The following CADPS2 variants were observed in gnomAD, a reference collection of about 807,000 sequenced individuals.
The protein encoded by CADPS2 is calcium-dependent secretion activator 2.
CADPS2 carries 93 observed loss-of-function variants against 172.5 expected under a neutral mutation model. The observed-to-expected ratio is 0.54, with a 90% CI of 0.46 to 0.64. The LOEUF is 0.64. Among genes scored for constraint, CADPS2 ranks in the 30% least tolerant of loss-of-function variants. CADPS2 has a pLI of 0.00. For synonymous variants in CADPS2, 546 were observed against 555.2 expected (o/e 0.98, Z 0.23); for missense variants, 1,420 against 1,565.9 (o/e 0.91, Z 1.57).
intron 7 of CADPS2, among the ~76,000 whole-genome samples, chr7:122,572,194 G>C (rs1036815171): frequency 4.6e-5 from 7 of 152,060 alleles, no homozygotes; most frequent in Admixed American, 4.6e-4. Flanking sequence ...ATCATATGCT[G>C]CAAGATGGAA....
chr7:122,698,951 C>G (rs2085598362), intron 2 of CADPS2: 16 of 1,448,328 alleles, frequency 1.1e-5, no homozygotes, highest in Non-Finnish European at 1.5e-5. Context: ...AAGAACCAAC[C>G]TAACAGTTGC....
chr7:122,440,982 G>T (rs1044978098), intron 16 of CADPS2, among the ~76,000 whole-genome samples: 2 of 152,034 alleles, frequency 1.3e-5, no homozygotes, highest in Non-Finnish European at 2.9e-5. Flanking sequence ...CTTGTTTGCT[G>T]GTTATTTTGT....
chr7:122,404,911 G>A (rs534110260), intron 20 of CADPS2, among the ~76,000 whole-genome samples: 1 of 151,940 alleles, frequency 6.6e-6, no homozygotes, highest in East Asian at 2.0e-4. Flanking sequence ...GGATCAGGAG[G>A]TCAGGAGATC....
intron 6 of CADPS2, among the ~76,000 whole-genome samples, chr7:122,591,029 AT>A (rs546636494): frequency 6.6e-4 from 100 of 152,146 alleles, no homozygotes; most frequent in African/African-American, 2.4e-3. Context: ...CTATAAAAGT[AT>A]CTGAAATTCC....
At chr7:122,782,367 C>T (rs965818145) in intron 1 of CADPS2, among the ~76,000 whole-genome samples, 2 of 152,076 alleles carry the variant, frequency 1.3e-5, no homozygotes, top group Non-Finnish European at 2.9e-5. Flanking sequence ...ATTACTGAAA[C>T]ACCAGTAGCA....
At position 122,651,480 on chromosome 7, in the gene CADPS2, C is replaced by T. The variant is rs533353004; in HGVS notation, c.786+11757G>A. Among the ~76,000 whole-genome samples the T allele has an allele frequency of 4.4e-4, 67 of 152,330 alleles. 4 individuals carry two copies. The highest frequency in any genetic ancestry group is 4.1e-4 in the South Asian group (2 of 4,832). On this transcript the variant is annotated intron_variant, in intron 3 of 29. Coordinates refer to ENST00000449022, the MANE Select transcript of CADPS2 (RefSeq NM_017954.11). ...AACTCTTAGACTCAAAGCACTTAAT[C>T]TCCAAAGCAAAAACTTCTAGGGAAA...
chr7:122,325,720 T>C (rs1430112773), intron 28 of CADPS2, 139 bp from the exon 29 acceptor site: 16 of 594,028 alleles, frequency 2.7e-5, no homozygotes, highest in Non-Finnish European at 4.6e-5. Flanking sequence ...AAGTCAATAA[T>C]GCTATAATTT....
chr7:122,570,534 T>C (rs1345882452), intron 7 of CADPS2, among the ~76,000 whole-genome samples: 2 of 148,400 alleles, frequency 1.3e-5, no homozygotes, highest in Admixed American at 1.3e-4. Context: ...CATTACTGGG[T>C]ATATACCCAA....
chr7:122,421,684 GA>G (rs1366754004), intron 17 of CADPS2, among the ~76,000 whole-genome samples: 71 of 152,286 alleles, frequency 4.7e-4, no homozygotes, highest in African/African-American at 1.6e-3. Context: ...TTATAAGGTA[GA>G]ATATGGCAAC....
chr7:122,686,160 G>A (rs2083588571), intron 2 of CADPS2, among the ~76,000 whole-genome samples: 1 of 151,968 alleles, frequency 6.6e-6, no homozygotes, highest in African/African-American at 2.4e-5. Context: ...ATACTTTTCA[G>A]TTTTTTTCTA....
intron 2 of CADPS2, among the ~76,000 whole-genome samples, chr7:122,678,389 TAAC>T (rs1372751343): frequency 1.3e-5 from 2 of 152,188 alleles, no homozygotes; most frequent in Non-Finnish European, 2.9e-5. Flanking sequence ...GACTGTGCTA[TAAC>T]AATAGAGAAG....
At chr7:122,681,914 C>CT (rs994293857) in intron 2 of CADPS2, among the ~76,000 whole-genome samples, 170 of 147,246 alleles carry the variant, frequency 1.2e-3, no homozygotes, top group African/African-American at 3.6e-3. Flanking sequence ...AAGCATAAAG[C>CT]TTTTTTTTTT....
In CADPS2 at chr7:122,599,446, G is replaced by A. The variant is rs538677629; in HGVS notation, c.1223+15735C>T. ...TTTACATATAGAAATCAAAAAAGAG[G>A]AAGAAATAATAAATGCCCAAGTCTC... On this transcript the variant is annotated intron_variant, in intron 6 of 29. Coordinates refer to ENST00000449022, the MANE Select transcript of CADPS2 (RefSeq NM_017954.11). 9.2e-5 allele frequency among the ~76,000 whole-genome samples: 14 copies of A among 152,078 alleles called. 1 individual carries two copies. In the South Asian group the frequency reaches 2.9e-3, roughly 31 times the overall value.
intron 8 of CADPS2, among the ~76,000 whole-genome samples, chr7:122,543,862 G>A (rs950562662): frequency 1.3e-5 from 2 of 152,030 alleles, no homozygotes; most frequent in African/African-American, 4.8e-5. Flanking sequence ...CTGCCTTCAA[G>A]AGACAATAAT....
intron 2 of CADPS2, among the ~76,000 whole-genome samples, chr7:122,722,694 G>T (rs2090585709): frequency 1.3e-5 from 1 of 77,852 alleles, no homozygotes. Flanking sequence ...AAGTTCATAT[G>T]GAACCAAAAA....
chr7:122,459,807 G>C (rs183660489), intron 14 of CADPS2, among the ~76,000 whole-genome samples: 31 of 152,268 alleles, frequency 2.0e-4, no homozygotes, highest in Non-Finnish European at 3.5e-4. Flanking sequence ...ACTTGGTCAG[G>C]TCATGGGACA....
At chr7:122,344,270 C>A (rs2037228226) in intron 28 of CADPS2, among the ~76,000 whole-genome samples, 1 of 152,168 alleles carries the variant, frequency 6.6e-6, no homozygotes, top group African/African-American at 2.4e-5. Flanking sequence ...AGAAGATGTA[C>A]ATAAATAAAT....
intron 7 of CADPS2, among the ~76,000 whole-genome samples, chr7:122,577,349 A>G (rs1160693155): frequency 2.0e-5 from 3 of 151,970 alleles, no homozygotes; most frequent in Non-Finnish European, 2.9e-5. Context: ...CTGACAACCC[A>G]CCTCAGCTCA....
At chr7:122,816,626 C>T (rs987380277) in intron 1 of CADPS2, among the ~76,000 whole-genome samples, 4 of 152,196 alleles carry the variant, frequency 2.6e-5, no homozygotes, top group African/African-American at 9.7e-5. Flanking sequence ...TCCATAATAG[C>T]TTTGTGAATG....
Sources: allele counts gnomAD v4.1 joint callset (sites outside exome capture counted in the v4.1 genomes callset), GRCh38; gene constraint gnomAD v4.1.1; transcripts MANE v1.5; gene names NCBI Gene and HGNC (gene_info 2026-07-23, HGNC 2026-07-21).